ECSCR: variants seen among roughly 807,000 people sequenced by gnomAD.
ECSCR encodes the protein endothelial cell-specific chemotaxis regulator.
A neutral mutation model predicts 16.7 loss-of-function variants in ECSCR; 12 were observed. That is an observed-to-expected ratio of 0.72 (90% CI 0.46 to 1.17). The LOEUF (loss-of-function observed/expected upper bound fraction) is 1.17, where lower values mean the gene tolerates loss of function less well. Among genes scored for constraint, ECSCR ranks in the 50% most tolerant of loss-of-function variants. The pLI is 0.00. For synonymous variants in ECSCR, 44 were observed against 42.2 expected (o/e 1.04, Z -0.17); for missense variants, 122 against 116.1 (o/e 1.05, Z -0.23).
intron 1 of ECSCR, among the ~76,000 whole-genome samples, chr5:139,458,500 C>CAAAAAAAAAAAA (rs397882364): frequency 3.4e-4 from 29 of 85,356 alleles, no homozygotes; most frequent in African/African-American, 1.0e-3. Flanking sequence ...CCTATCTCAA[C>CAAAAAAAAAAAA]AAAAAAAAAA....
chr5:139,449,048 G>A lies in ECSCR; in HGVS notation c.609+30C>T, dbSNP rs1169073498. ...AGGAGGAAGGGAAAGGTGAATTTGG[G>A]GAAGGAAGGCAGGAAACAGAAAAAT... On this transcript the variant is annotated intron_variant, in intron 9 of 9. Transcript: ENST00000618155. The A allele has an allele frequency of 3.1e-5, 48 of 1,534,258 alleles. No individual in the cohort carries two copies. The East Asian group carries it at 1.0e-3, about 33-fold the overall frequency.
chr5:139,456,665 T>C (rs1035747848), intron 4 of ECSCR, 147 bp from the exon 5 acceptor site: 25 of 392,030 alleles, frequency 6.4e-5, no homozygotes, highest in Non-Finnish European at 1.1e-4. Flanking sequence ...CATTTTGGGG[T>C]ATCCTTCTCC....
Position 139,448,928 on chromosome 5 carries a change from T to A in ECSCR, c.610-20A>T. On this transcript the variant is annotated intron_variant, in intron 9 of 9. Transcript: ENST00000618155. ...AAGAACCTGCAAAATAAATGCATAA[T>A]GGGGAAGGGTGAACTTTTTAGGATT... 6.5e-7 allele frequency: 1 copy of A among 1,537,060 alleles called. No individual in the cohort carries two copies. Among genetic ancestry groups the A allele is most frequent in the East Asian group, 2.4e-5 (1 of 40,916 alleles).
intron 5 of ECSCR, 95 bp from the exon 6 acceptor site, chr5:139,455,531 G>A (rs1436611497): frequency 7.7e-6 from 3 of 390,846 alleles, no homozygotes; most frequent in South Asian, 1.4e-4. Context: ...GGAAGGACCA[G>A]AATTTATGCT....
rs946298836 is a variant in ECSCR, at chr5:139,457,488, T to G, written c.217+57A>C. The G allele has an allele frequency of 3.8e-6, 3 of 780,294 alleles. No homozygotes were observed. The African/African-American group carries it at 5.1e-5, about 13-fold the overall frequency. The allele number at this position is 780,294 out of a possible 1,614,324, so 48.3% of individuals were successfully genotyped here. On this transcript the variant is annotated intron_variant, in intron 4 of 9. Transcript: ENST00000618155. ...ATATTCTCTTTTAGAGCAGAAACTG[T>G]TGGGGTCCTCACTGGGCCCTCCCTG...
In ECSCR at chr5:139,455,338, T is replaced by A. The variant is rs2152089118; in HGVS notation, c.361A>T (p.Thr121Ser). 1 of 398,718 alleles carries A rather than the reference T, an allele frequency of 2.5e-6. No homozygotes were observed. The highest frequency in any genetic ancestry group is 3.6e-5 in the East Asian group (1 of 28,078). 24.7% of individuals were successfully genotyped at this position (398,718 alleles called of 1,614,324 possible). Residue 121 changes from threonine to serine, a missense_variant, in exon 6 of 10, where the codon ACT (threonine) becomes TCT (serine). Physicochemically the swap from Thr to Ser is moderately conservative, Grantham distance 58. Coordinates refer to ENST00000618155, the MANE Select transcript of ECSCR (RefSeq NM_001077693.4). Reference protein sequence around the residue: ...LPSPTSETVLTVAAFGVISFI... With the variant: ...LPSPTSETVLSVAAFGVISFI... ...CCGGTCTCACCAAATGCAGCCACAG[T>A]GAGCACAGTCTCTGACGTGGGGCTG...
At chr5:139,457,965 G>T in intron 2 of ECSCR, 158 bp from the exon 3 acceptor site, 1 of 612,252 alleles carries the variant, frequency 1.6e-6, no homozygotes, top group Non-Finnish European at 2.0e-6. Flanking sequence ...ATTAGACTCA[G>T]CTAGGCTGAA....
intron 8 of ECSCR, among the ~76,000 whole-genome samples, chr5:139,451,356 G>C (rs895337124): frequency 7.3e-5 from 11 of 150,756 alleles, no homozygotes; most frequent in Non-Finnish European, 8.9e-5. Context: ...GTATAATATG[G>C]GGTACATATG....
intron 1 of ECSCR, among the ~76,000 whole-genome samples, chr5:139,460,922 G>A (rs1392983053): frequency 1.3e-5 from 2 of 152,162 alleles, no homozygotes; most frequent in African/African-American, 4.8e-5. Flanking sequence ...GTCGCTGTCT[G>A]ACCTAGGCCT....
rs1396724018 is a variant in ECSCR, at chr5:139,449,177, G to C, written c.513-3C>G. 1.4e-5 allele frequency: 21 copies of C among 1,535,906 alleles called. No homozygotes were observed. Among genetic ancestry groups the C allele is most frequent in the Non-Finnish European group, 1.7e-5 (20 of 1,145,824 alleles). On this transcript the variant is annotated splice_region_variant and splice_polypyrimidine_tract_variant and intron_variant, in intron 8 of 9. Coordinates refer to ENST00000618155, the MANE Select transcript of ECSCR (RefSeq NM_001077693.4). ...TCTCTCCATTGGCTGTGGAGCAGCTGGGGGAGGAAGGGGGTCTGGGTTAAA... is the reference window on the plus strand; with the variant it reads ...TCTCTCCATTGGCTGTGGAGCAGCTCGGGGAGGAAGGGGGTCTGGGTTAAA...
chr5:139,451,789 G>T (rs1204932285), intron 8 of ECSCR, among the ~76,000 whole-genome samples: 1 of 148,598 alleles, frequency 6.7e-6, no homozygotes, highest in Non-Finnish European at 1.5e-5. Flanking sequence ...TGGGTATGAG[G>T]GTGGGTATGG....
intron 4 of ECSCR, among the ~76,000 whole-genome samples, chr5:139,456,813 GTCCTGAC>G (rs1751168317): frequency 6.6e-6 from 1 of 152,170 alleles, no homozygotes; most frequent in Non-Finnish European, 1.5e-5. Flanking sequence ...ACTGATGTGG[GTCCTGAC>G]CCCTGTGGCC....
intron 8 of ECSCR, 55 bp downstream of exon 8, chr5:139,454,547 C>G: frequency 5.0e-6 from 2 of 397,756 alleles, no homozygotes; most frequent in Non-Finnish European, 4.4e-6. Context: ...AGTGTTGGTT[C>G]CCTCTGGGAG....
intron 6 of ECSCR, among the ~76,000 whole-genome samples, 159 bp from the exon 7 acceptor site, chr5:139,455,082 C>T (rs975997405): frequency 1.1e-4 from 17 of 149,192 alleles, no homozygotes; most frequent in South Asian, 4.3e-4. Context: ...TCAGCCTGCC[C>T]GCCCCCTAGC....
chr5:139,454,619 A>G lies in ECSCR; in HGVS notation c.495T>C (p.Ser165=), dbSNP rs1751116920. The G allele has an allele frequency of 5.0e-6, 2 of 397,822 alleles. No individual in the cohort carries two copies. The highest frequency in any genetic ancestry group is 8.9e-6 in the Non-Finnish European group (2 of 225,868). The allele number at this position is 397,822 out of a possible 1,614,324, so 24.6% of individuals were successfully genotyped here. ...KESEDPQKPG[S]SGLSESCSTA... is the part of the protein sequence containing the mutation. ...GGTCTTACCTTTCAGACAGCCCTGA[A>G]CTCCCAGGTTTCTGGGGATCTGTAA... The change falls in exon 8 of 10, where the codon AGT becomes AGC. Residue 165 remains serine, a synonymous_variant. Transcript: ENST00000618155.
At chr5:139,456,342 T>G in intron 5 of ECSCR, 132 bp downstream of exon 5, 1 of 389,474 alleles carries the variant, frequency 2.6e-6, no homozygotes, top group African/African-American at 2.1e-5. Context: ...GTTCCACTTA[T>G]CTCTCCTCAC....
chr5:139,449,219 G>A lies in ECSCR; in HGVS notation c.513-45C>T, dbSNP rs1373743227. The A allele has an allele frequency of 2.2e-6, 3 of 1,394,896 alleles. No individual in the cohort carries two copies. In the South Asian group the frequency reaches 3.7e-5, roughly 17 times the overall value. The allele number at this position is 1,394,896 out of a possible 1,614,324, so 86.4% of individuals were successfully genotyped here. A position where few individuals can be genotyped will look rare whatever the true frequency, so the allele number is the denominator to read the frequency against. ...TGGGTTAAAGAGAGGAGGAGGGCAG[G>A]GCAATGGGGAGTCAAGGAACTGTGA... On this transcript the variant is annotated intron_variant, in intron 8 of 9. Coordinates refer to ENST00000618155, the MANE Select transcript of ECSCR (RefSeq NM_001077693.4).
chr5:139,450,589 A>T (rs1177696625), intron 8 of ECSCR, among the ~76,000 whole-genome samples: 2 of 151,904 alleles, frequency 1.3e-5, no homozygotes, highest in Middle Eastern at 3.4e-3. Flanking sequence ...CAGCCTGGTC[A>T]ACATGGTGAA....
chr5:139,458,293 C>G, intron 1 of ECSCR, 110 bp from the exon 2 acceptor site: 8 of 1,057,514 alleles, frequency 7.6e-6, no homozygotes, highest in Non-Finnish European at 2.7e-6. Context: ...ATAGCAAGAC[C>G]CTGTCTCTAA....
Sources: gnomAD v4.1 joint callset for allele counts (sites outside exome capture counted in the v4.1 genomes callset) on GRCh38, gnomAD v4.1.1 for gene constraint, MANE v1.5 for transcripts, NCBI Gene and HGNC (gene_info 2026-07-23, HGNC 2026-07-21) for gene names.